Variants in CDK13 observed in about 807,000 individuals in gnomAD.
The protein encoded by CDK13 is cyclin-dependent kinase 13.
Under a neutral mutation model 137.6 loss-of-function variants are expected in CDK13, and 40 were observed. That is an observed-to-expected ratio of 0.29 (90% confidence interval 0.23 to 0.38). The LOEUF is 0.38. Among genes scored for constraint, CDK13 ranks in the 10% least tolerant of loss-of-function variants. The probability of loss-of-function intolerance (pLI) is 1.00; values close to 1 mark genes in which losing one functional copy is unlikely to be tolerated. For synonymous variants in CDK13, 869 were observed against 760.1 expected, an observed-to-expected ratio of 1.14 and a Z score of -2.36; for missense variants, 1,704 against 1,951.8, an observed-to-expected ratio of 0.87 and a Z score of 2.39.
Position 40,088,196 on chromosome 7 carries a change from A to G in CDK13, c.3100A>G (p.Thr1034Ala), listed in dbSNP as rs1181437922. The change falls in exon 12 of 14, where the codon ACT (threonine) becomes GCT (alanine). Residue 1034 changes from threonine to alanine, a missense_variant. By Grantham distance (58) the Thr-to-Ala change is moderately conservative. Transcript: ENST00000181839. The part of the protein sequence containing the change: ...KRRRQKQMGM[T>A]DDVSTIKAPR... The stretch of plus-strand genomic sequence containing the variant: ...AAGAAGACAGAAGCAGATGGGCATG[A>G]CTGATGATGTTTCCACAATTAAAGC... 4 of 1,613,846 alleles carry G rather than the reference A, an allele frequency of 2.5e-6. No homozygotes were observed. The highest frequency in any genetic ancestry group is 3.4e-6 in the Non-Finnish European group (4 of 1,179,994).
intron 12 of CDK13, among the ~76,000 whole-genome samples, chr7:40,089,249 A>G (rs185394203): frequency 8.6e-4 from 130 of 151,238 alleles, no homozygotes; most frequent in African/African-American, 2.9e-3. Context: ...AGCCCAGACA[A>G]CTTCCTGAAA....
rs17538265 is a variant in CDK13, at chr7:40,089,654, C to T, written c.3235+1323C>T. ...AGAAACACCCATCTTTAATTTAACA[C>T]CATCTTTAGTTGAAGTTTTATGAAA... On this transcript the variant is annotated intron_variant, in intron 12 of 13. Coordinates refer to ENST00000181839, the MANE Select transcript of CDK13 (RefSeq NM_003718.5). Among the ~76,000 whole-genome samples, 1,062 of 151,404 alleles carry T rather than the reference C, an allele frequency of 7.0e-3. 5 individuals are homozygous for T. The highest frequency in any genetic ancestry group is 0.02 in the Middle Eastern group (6 of 294).
intron 9 of CDK13, chr7:40,067,566 A>C (rs1786307846): frequency 6.6e-6 from 1 of 152,144 alleles, no homozygotes; most frequent in Admixed American, 6.5e-5. Context: ...AATAAACTAC[A>C]TAGGAAATAA....
At chr7:40,082,009 G>A (rs913789356) in intron 11 of CDK13, among the ~76,000 whole-genome samples, 2 of 152,142 alleles carry the variant, frequency 1.3e-5, no homozygotes, top group African/African-American at 4.8e-5. Flanking sequence ...CAAGTAGTTT[G>A]CATATCTGTT....
intron 5 of CDK13, among the ~76,000 whole-genome samples, chr7:40,006,419 C>T (rs929837777): frequency 9.9e-5 from 15 of 152,282 alleles, no homozygotes; most frequent in Admixed American, 9.1e-4. Flanking sequence ...TTCTTTGTTA[C>T]TTTCTTCCTT....
Position 40,045,915 on chromosome 7 carries a change from A to C in CDK13, c.2433A>C (p.Glu811Asp), listed in dbSNP as rs761081928. ...LLESGLVHFNENHIKSFMRQL... is the reference protein window; with the variant it reads ...LLESGLVHFNDNHIKSFMRQL... Reference sequence around the variant, plus strand: ...AATCAGGCTTGGTTCATTTTAATGAAAATCACATAAAGTCATTTATGAGAC... The same window carrying C: ...AATCAGGCTTGGTTCATTTTAATGACAATCACATAAAGTCATTTATGAGAC... Residue 811 changes from glutamate to aspartate, a missense_variant, in exon 6 of 14, where the codon GAA (glutamate) becomes GAC (aspartate). Glu to Asp is a conservative substitution (Grantham distance 45). Transcript: ENST00000181839. The C allele has an allele frequency of 6.2e-7, 1 of 1,613,206 alleles. No individual in the cohort carries two copies. The highest frequency in any genetic ancestry group is 1.7e-5 in the Admixed American group (1 of 60,000).
chr7:40,024,567 C>T (rs1435829000), intron 5 of CDK13, among the ~76,000 whole-genome samples: 1 of 150,524 alleles, frequency 6.6e-6, no homozygotes, highest in Admixed American at 6.6e-5. Context: ...CTTTCTCTCT[C>T]TCTGGCTGTT....
intron 1 of CDK13, among the ~76,000 whole-genome samples, chr7:39,960,376 C>T (rs1250142528): frequency 6.6e-6 from 1 of 151,802 alleles, no homozygotes; most frequent in Non-Finnish European, 1.5e-5. Context: ...CTGCCTCAGC[C>T]TCGCGAGTAG....
At chr7:39,954,888 C>G (rs1026257049) in intron 1 of CDK13, among the ~76,000 whole-genome samples, 2 of 152,192 alleles carry the variant, frequency 1.3e-5, no homozygotes, top group African/African-American at 4.8e-5. Context: ...TCCCAAAGTC[C>G]AGGGATTACA....
intron 11 of CDK13, among the ~76,000 whole-genome samples, chr7:40,083,058 G>GCACC (rs1019846676): frequency 1.3e-5 from 2 of 149,632 alleles, no homozygotes; most frequent in African/African-American, 5.0e-5. Flanking sequence ...AGCCGAGATC[G>GCACC]CGCCACTGCG....
chr7:39,955,306 A>G (rs1787374660), intron 1 of CDK13, among the ~76,000 whole-genome samples: 1 of 152,182 alleles, frequency 6.6e-6, no homozygotes, highest in South Asian at 2.1e-4. Flanking sequence ...CGGGAGCTCT[A>G]AAAGGTTTTA....
At chr7:40,032,430 A>AT (rs1785400379) in intron 5 of CDK13, among the ~76,000 whole-genome samples, 2 of 152,132 alleles carry the variant, frequency 1.3e-5, no homozygotes, top group Non-Finnish European at 2.9e-5. Context: ...CTTTTCACAT[A>AT]TTGTGATTTT....
chr7:39,963,666 A>C (rs1287274856), intron 1 of CDK13, among the ~76,000 whole-genome samples: 1 of 152,146 alleles, frequency 6.6e-6, no homozygotes, highest in African/African-American at 2.4e-5. Context: ...ACTATGTTGA[A>C]TAGTAGTGGT....
intron 1 of CDK13, among the ~76,000 whole-genome samples, chr7:39,968,467 A>G (rs780912413): frequency 6.6e-6 from 1 of 152,136 alleles, no homozygotes; most frequent in Non-Finnish European, 1.5e-5. Context: ...TGGAACTCCT[A>G]GGTTCAAGCA....
At chr7:40,044,191 C>G (rs1785681594) in intron 5 of CDK13, among the ~76,000 whole-genome samples, 1 of 152,072 alleles carries the variant, frequency 6.6e-6, no homozygotes, top group Non-Finnish European at 1.5e-5. Flanking sequence ...GCCACCACGC[C>G]TGGCTCAGTT....
At chr7:40,093,860 C>A (rs1786980818) in intron 13 of CDK13, among the ~76,000 whole-genome samples, 1 of 148,746 alleles carries the variant, frequency 6.7e-6, no homozygotes, top group South Asian at 2.1e-4. Context: ...GAGCTGTGAT[C>A]ACTCCACTGC....
At chr7:40,092,235 A>C (rs1220225564) in intron 12 of CDK13, 1 of 152,500 alleles carries the variant, frequency 6.6e-6, no homozygotes, top group Admixed American at 6.5e-5. Flanking sequence ...TAGAGAAAGT[A>C]CGGTGTAGTT....
rs1409700733 is a variant in CDK13 at position 39,999,472 on chromosome 7, A to G, written c.2154A>G (p.Gln718=). ...TTATTGGAGAAGGTACTTACGGACA[A>G]GTTTACAAAGCCAGGGATAAAGACA... is the stretch of plus-strand genomic sequence containing the variant. ...IGIIGEGTYG[Q]VYKARDKDTG... The change falls in exon 4 of 14, where the codon CAA becomes CAG. Residue 718 remains glutamine, a synonymous_variant. Coordinates refer to ENST00000181839, the MANE Select transcript of CDK13 (RefSeq NM_003718.5). 7 of 1,611,132 alleles carry G rather than the reference A, an allele frequency of 4.3e-6. No individual in the cohort carries two copies. The highest frequency in any genetic ancestry group is 5.1e-6 in the Non-Finnish European group (6 of 1,178,406).
At chr7:39,954,266 A>C (rs1366846798) in intron 1 of CDK13, among the ~76,000 whole-genome samples, 2 of 152,230 alleles carry the variant, frequency 1.3e-5, no homozygotes, top group African/African-American at 4.8e-5. Context: ...GCCTAGAATT[A>C]ATAGCTAAAA....
Sources: gnomAD v4.1 joint callset for allele counts (sites outside exome capture counted in the v4.1 genomes callset) on GRCh38, gnomAD v4.1.1 for gene constraint, MANE v1.5 for transcripts, NCBI Gene and HGNC (gene_info 2026-07-23, HGNC 2026-07-21) for gene names.